Variants in XYLT1 observed in about 807,000 individuals in gnomAD.
XYLT1 encodes the protein xylosyltransferase 1, also known as beta-D-xylosyltransferase 1.
In XYLT1, 36 loss-of-function variants were observed where a neutral mutation model predicts 91.3. That is an observed-to-expected ratio of 0.39 (90% CI 0.30 to 0.52). The LOEUF is 0.52. XYLT1 is among the 20% of genes least tolerant of loss of function. XYLT1 has a pLI of 0.68. For missense variants in XYLT1, 1,242 were observed against 1,284.5 expected (o/e 0.97, Z 0.51); for synonymous variants, 588 against 532.0 (o/e 1.11, Z -1.45).
At chr16:17,221,531 A>T (rs922345150) in intron 3 of XYLT1, among the ~76,000 whole-genome samples, 1 of 152,166 alleles carries the variant, frequency 6.6e-6, no homozygotes, top group Non-Finnish European at 1.5e-5. Flanking sequence ...CTGAACCCAG[A>T]CTAACCTGCT....
chr16:17,454,778 G>A (rs2036714464), intron 1 of XYLT1, among the ~76,000 whole-genome samples: 1 of 151,810 alleles, frequency 6.6e-6, no homozygotes, highest in Non-Finnish European at 1.5e-5. Context: ...GGCCCCAAGT[G>A]ACCCACCCAC....
chr16:17,253,368 C>T (rs1044363760), intron 3 of XYLT1, among the ~76,000 whole-genome samples: 5 of 152,190 alleles, frequency 3.3e-5, no homozygotes, highest in South Asian at 2.1e-4. Context: ...TGGGAGGGTG[C>T]GCTATCCTGG....
At chr16:17,216,905 C>T (rs2032871303) in intron 3 of XYLT1, among the ~76,000 whole-genome samples, 1 of 152,190 alleles carries the variant, frequency 6.6e-6, no homozygotes, top group African/African-American at 2.4e-5. Flanking sequence ...TCCGGTTGAT[C>T]ACAACAGCAA....
At chr16:17,438,033 G>T (rs2036483659) in intron 1 of XYLT1, among the ~76,000 whole-genome samples, 1 of 152,164 alleles carries the variant, frequency 6.6e-6, no homozygotes, top group South Asian at 2.1e-4. Flanking sequence ...CAGGAAGAGA[G>T]AAAGGATTAA....
chr16:17,460,093 G>C (rs534778617), intron 1 of XYLT1, among the ~76,000 whole-genome samples: 28 of 152,246 alleles, frequency 1.8e-4, no homozygotes, highest in Non-Finnish European at 3.5e-4. Flanking sequence ...ATCATCTGAT[G>C]AAGTGCCAAA....
chr16:17,370,564 G>C (rs142032339), intron 1 of XYLT1, among the ~76,000 whole-genome samples: 1 of 152,182 alleles, frequency 6.6e-6, no homozygotes, highest in Non-Finnish European at 1.5e-5. Flanking sequence ...GTGGTGGGAA[G>C]CAACCCTAGT....
chr16:17,101,922 A>G lies in XYLT1; in HGVS notation c.*6773T>C, dbSNP rs1024869144. On this transcript the variant is annotated 3_prime_UTR_variant, in exon 12 of 12. Transcript: ENST00000261381. ...GTCTCTGTGGTAAAGAGGAAAGGAA[A>G]ACACGTTTGCCAACCAACCAACCAG... The G allele has an allele frequency of 2.6e-5, 4 of 152,226 alleles. No individual in the cohort carries two copies. Among genetic ancestry groups the G allele is most frequent in the African/African-American group, 9.6e-5 (4 of 41,456 alleles). The allele number at this position is 152,226 out of a possible 1,614,324, so 9.4% of individuals were successfully genotyped here.
At position 17,321,342 on chromosome 16, in the gene XYLT1, C is replaced by CTTTTTTTTTTTTTTTTTTT. The variant is rs10606202; in HGVS notation, c.402+36651_402+36669dup. Among the ~76,000 whole-genome samples, 8 of 43,624 alleles carry CTTTTTTTTTTTTTTTTTTT rather than the reference C, an allele frequency of 1.8e-4. 2 individuals carry two copies. The highest frequency in any genetic ancestry group is 2.5e-4 in the Non-Finnish European group (6 of 23,762). 28.6% of individuals were successfully genotyped at this position (43,624 alleles called of 152,430 possible). On this transcript the variant is annotated intron_variant, in intron 2 of 11. Transcript: ENST00000261381. ...GACAGTTCCCAAAGTACTAACTAGC[C>CTTTTTTTTTTTTTTTTTTT]TTTTTTTTTTTTTTTTTTTTTTTTT...
chr16:17,115,319 A>AAG (rs1335213036), intron 11 of XYLT1, among the ~76,000 whole-genome samples: 2 of 144,820 alleles, frequency 1.4e-5, no homozygotes, highest in Non-Finnish European at 3.0e-5. Context: ...AGTTAAAAAA[A>AAG]AAAAAAAAAA....
chr16:17,446,378 C>A (rs183278650), intron 1 of XYLT1: 1 of 152,200 alleles, frequency 6.6e-6, no homozygotes, highest in South Asian at 2.1e-4. Context: ...TCACAATAAC[C>A]TTTCAGATTA....
chr16:17,107,164 G>A lies in XYLT1; in HGVS notation c.*1531C>T, dbSNP rs1252229554. The A allele has an allele frequency of 1.3e-5, 2 of 152,164 alleles. No homozygotes were observed. The highest frequency in any genetic ancestry group is 2.9e-5 in the Non-Finnish European group (2 of 68,058). 9.4% of individuals were successfully genotyped at this position (152,164 alleles called of 1,614,324 possible). A position where few individuals can be genotyped will look rare whatever the true frequency, so the allele number is the denominator to read the frequency against. ...TCCTCCATTGCCAACAGGACACCCTGCCTTGCGAGGCTTGGGATGGGGCAA... is the reference window on the plus strand; with the variant it reads ...TCCTCCATTGCCAACAGGACACCCTACCTTGCGAGGCTTGGGATGGGGCAA... On this transcript the variant is annotated 3_prime_UTR_variant, in exon 12 of 12. Transcript: ENST00000261381.
At chr16:17,408,784 T>C (rs2036065399) in intron 1 of XYLT1, among the ~76,000 whole-genome samples, 2 of 152,046 alleles carry the variant, frequency 1.3e-5, no homozygotes, top group Non-Finnish European at 1.5e-5. Context: ...AGGCTGAGGT[T>C]GCGGTGACCC....
intron 9 of XYLT1, among the ~76,000 whole-genome samples, chr16:17,131,070 A>G (rs2030451738): frequency 6.6e-6 from 1 of 152,196 alleles, no homozygotes; most frequent in South Asian, 2.1e-4. Flanking sequence ...TTGAGTTCAC[A>G]GGCCTGGTCC....
chr16:17,400,647 G>A (rs2035954476), intron 1 of XYLT1, among the ~76,000 whole-genome samples: 1 of 140,856 alleles, frequency 7.1e-6, no homozygotes. Flanking sequence ...AAGGAAGGAA[G>A]GAAGGAAGGA....
chr16:17,348,138 G>T (rs1236720691), intron 2 of XYLT1, among the ~76,000 whole-genome samples: 1 of 152,158 alleles, frequency 6.6e-6, no homozygotes, highest in Non-Finnish European at 1.5e-5. Flanking sequence ...GAGGGGTGGA[G>T]AGTGGATCTG....
At chr16:17,345,740 T>C (rs2035135042) in intron 2 of XYLT1, among the ~76,000 whole-genome samples, 1 of 152,236 alleles carries the variant, frequency 6.6e-6, no homozygotes, top group African/African-American at 2.4e-5. Context: ...TGTTGCTTAA[T>C]GCACGTTAAC....
intron 2 of XYLT1, among the ~76,000 whole-genome samples, chr16:17,354,189 C>T (rs113453534): frequency 1.3e-5 from 2 of 152,294 alleles, no homozygotes; most frequent in African/African-American, 4.8e-5. Flanking sequence ...CAAGTCAGGG[C>T]TTCCTTGGTG....
chr16:17,193,607 G>A (rs2032366592), intron 5 of XYLT1: 1 of 152,232 alleles, frequency 6.6e-6, no homozygotes, highest in African/African-American at 2.4e-5. Flanking sequence ...GGGCTGGCTG[G>A]ACCCTTAAGT....
intron 2 of XYLT1, among the ~76,000 whole-genome samples, chr16:17,341,072 C>T (rs2141846971): frequency 6.6e-6 from 1 of 152,260 alleles, no homozygotes; most frequent in Non-Finnish European, 1.5e-5. Flanking sequence ...TGTGAAGAAA[C>T]CTCCTCATAG....
Sources: allele counts gnomAD v4.1 joint callset (sites outside exome capture counted in the v4.1 genomes callset), GRCh38; gene constraint gnomAD v4.1.1; transcripts MANE v1.5; gene names NCBI Gene and HGNC (gene_info 2026-07-23, HGNC 2026-07-21).